The following NAALADL2 variants were observed in gnomAD, a reference collection of about 807,000 sequenced individuals.
NAALADL2 encodes inactive N-acetylated-alpha-linked acidic dipeptidase-like protein 2.
Under a neutral mutation model 87.2 loss-of-function variants are expected in NAALADL2, and 76 were observed. That is an observed-to-expected ratio of 0.87 (90% confidence interval 0.72 to 1.05). The LOEUF (loss-of-function observed/expected upper bound fraction) is 1.05. NAALADL2 is among the 50% of genes least tolerant of loss of function. NAALADL2 has a pLI of 0.00. For missense variants in NAALADL2, 1,089 were observed against 945.8 expected (o/e 1.15, Z -1.99); for synonymous variants, 354 against 331.0 (o/e 1.07, Z -0.75).
chr3:174,911,222 G>A (rs566168695), intron 1 of NAALADL2, among the ~76,000 whole-genome samples: 1 of 152,192 alleles, frequency 6.6e-6, no homozygotes, highest in South Asian at 2.1e-4. Flanking sequence ...AGGTCCACAG[G>A]TTTGGATATG....
chr3:174,794,972 C>G (rs1236494086), intron 3 of NAALADL2, among the ~76,000 whole-genome samples: 2 of 117,294 alleles, frequency 1.7e-5, no homozygotes, highest in African/African-American at 6.2e-5. Context: ...GTTGAAACTT[C>G]TAGTCCAGCT....
intron 3 of NAALADL2, among the ~76,000 whole-genome samples, chr3:175,254,401 C>T (rs888825587): frequency 2.0e-5 from 3 of 152,090 alleles, no homozygotes; most frequent in Non-Finnish European, 4.4e-5. Flanking sequence ...ATAGTGTGAA[C>T]ATAACTATTA....
At chr3:174,566,730 T>C (rs951378348) in intron 2 of NAALADL2, among the ~76,000 whole-genome samples, 16 of 151,752 alleles carry the variant, frequency 1.1e-4, no homozygotes, top group African/African-American at 3.6e-4. Flanking sequence ...TTTCTTCAGT[T>C]CTGTTTAATC....
chr3:174,723,345 A>G (rs1731875200), intron 2 of NAALADL2, among the ~76,000 whole-genome samples: 1 of 152,158 alleles, frequency 6.6e-6, no homozygotes, highest in Non-Finnish European at 1.5e-5. Flanking sequence ...ATAACATTTG[A>G]TGATTTGTGG....
intron 1 of NAALADL2, among the ~76,000 whole-genome samples, chr3:174,965,290 C>G (rs189781442): frequency 1.0e-3 from 158 of 152,236 alleles, no homozygotes; most frequent in African/African-American, 3.1e-3. Context: ...GCTTTTCCTA[C>G]AAAGCAAGAA....
intron 9 of NAALADL2, among the ~76,000 whole-genome samples, chr3:175,517,916 G>A (rs148963163): frequency 1.3e-5 from 2 of 152,208 alleles, no homozygotes; most frequent in East Asian, 3.9e-4. Context: ...TTTACATAAT[G>A]CGTGGGGAAG....
intron 9 of NAALADL2, among the ~76,000 whole-genome samples, chr3:175,475,285 G>A (rs1725532551): frequency 6.6e-6 from 1 of 151,956 alleles, no homozygotes; most frequent in Admixed American, 6.6e-5. Flanking sequence ...TGACCTCTTA[G>A]TGAAACACAA....
Position 174,987,119 on chromosome 3 carries a change from CTTTCA to C in NAALADL2, c.44-109665_44-109661del, listed in dbSNP as rs1281583197. ...CAATATAAATCCATTCATTAATGGT[CTTTCA>C]TTTCAGCAATGTAAGTGCTGAAATT... On this transcript the variant is annotated intron_variant, in intron 1 of 13. Coordinates refer to ENST00000454872, the MANE Select transcript of NAALADL2 (RefSeq NM_207015.3). Among the ~76,000 whole-genome samples, 4 of 152,154 alleles carry C rather than the reference CTTTCA, an allele frequency of 2.6e-5. No homozygotes were observed. The South Asian group carries it at 6.2e-4, about 24-fold the overall frequency.
rs1754481385 is a variant in NAALADL2 at position 175,803,919 on chromosome 3, A to T, written c.*716A>T. ...AGCTTTGAAACCCCTAATTTGCCTC[A>T]GTTGATTTTCTAAGAATTTCAGGAG... is the stretch of plus-strand genomic sequence containing the variant. On this transcript the variant is annotated 3_prime_UTR_variant, in exon 14 of 14. Coordinates refer to ENST00000454872, the MANE Select transcript of NAALADL2 (RefSeq NM_207015.3). 6.6e-6 allele frequency: 1 copy of T among 152,378 alleles called. No individual in the cohort carries two copies. Among genetic ancestry groups the T allele is most frequent in the Non-Finnish European group, 1.5e-5 (1 of 67,892 alleles). The allele number at this position is 152,378 out of a possible 1,614,324, so 9.4% of individuals were successfully genotyped here.
In NAALADL2 at chr3:174,941,494, G is replaced by A. The variant is rs186829580; in HGVS notation, c.43+82044G>A. Among the ~76,000 whole-genome samples, 781 of 152,012 alleles carry A rather than the reference G, an allele frequency of 5.1e-3. 12 individuals are homozygous for A. The highest frequency in any genetic ancestry group is 0.018 in the African/African-American group (727 of 41,502). On this transcript the variant is annotated intron_variant, in intron 1 of 13. Transcript: ENST00000454872. The stretch of plus-strand genomic sequence containing the variant: ...TCTGTTGTTTTGGGGTGGAGAGTCC[G>A]GTAGAGGTCTATTAGATCTATTTGG...
At chr3:175,157,568 G>T (rs1157461736) in intron 2 of NAALADL2, among the ~76,000 whole-genome samples, 1 of 151,996 alleles carries the variant, frequency 6.6e-6, no homozygotes, top group Non-Finnish European at 1.5e-5. Flanking sequence ...ATTAGGAAAG[G>T]CTCTAAGCTT....
At chr3:175,604,533 T>C (rs1037590531) in intron 10 of NAALADL2, among the ~76,000 whole-genome samples, 1 of 152,002 alleles carries the variant, frequency 6.6e-6, no homozygotes, top group Non-Finnish European at 1.5e-5. Context: ...CTTGATCTCC[T>C]GACCTCATGA....
intron 5 of NAALADL2, among the ~76,000 whole-genome samples, chr3:175,411,922 C>T (rs1404878484): frequency 1.3e-5 from 2 of 151,918 alleles, no homozygotes; most frequent in Non-Finnish European, 2.9e-5. Flanking sequence ...CTACAACTTC[C>T]AAGCAGAGGA....
intron 2 of NAALADL2, among the ~76,000 whole-genome samples, chr3:175,108,341 A>C (rs1461805561): frequency 2.6e-5 from 4 of 151,992 alleles, no homozygotes; most frequent in African/African-American, 9.7e-5. Flanking sequence ...TTACCTTTTT[A>C]TAAACTATCT....
intron 5 of NAALADL2, among the ~76,000 whole-genome samples, chr3:175,446,907 C>A (rs190156317): frequency 4.6e-5 from 7 of 152,302 alleles, no homozygotes; most frequent in Admixed American, 3.9e-4. Context: ...TTATTACTAT[C>A]TATTCTCCTG....
At chr3:174,485,417 T>TA (rs1302625615) in intron 1 of NAALADL2, among the ~76,000 whole-genome samples, 1 of 67,008 alleles carries the variant, frequency 1.5e-5, no homozygotes, top group African/African-American at 1.4e-4. Context: ...TAGTACCCAT[T>TA]ATTTTTTTTT....
intron 1 of NAALADL2, among the ~76,000 whole-genome samples, chr3:175,036,637 G>A (rs2108943817): frequency 6.6e-6 from 1 of 152,122 alleles, no homozygotes; most frequent in Non-Finnish European, 1.5e-5. Context: ...CTGACCTCGT[G>A]TTCTGCCTGC....
intron 3 of NAALADL2, among the ~76,000 whole-genome samples, chr3:174,812,529 G>T (rs1304609218): frequency 6.6e-6 from 1 of 151,948 alleles, no homozygotes; most frequent in Non-Finnish European, 1.5e-5. Flanking sequence ...TATTTTTATT[G>T]TAGCGTATAC....
chr3:175,097,333 G>T, intron 2 of NAALADL2, 42 bp downstream of exon 2: 1 of 1,556,212 alleles, frequency 6.4e-7, no homozygotes, highest in South Asian at 1.2e-5. Context: ...TGCATTTCTT[G>T]GGAAAAATGT....
Sources: allele counts gnomAD v4.1 joint callset (sites outside exome capture counted in the v4.1 genomes callset), GRCh38; gene constraint gnomAD v4.1.1; transcripts MANE v1.5; gene names NCBI Gene and HGNC (gene_info 2026-07-23, HGNC 2026-07-21).